Variants in LRP1 observed in about 807,000 individuals in gnomAD.
The protein encoded by LRP1 is prolow-density lipoprotein receptor-related protein 1.
A neutral mutation model predicts 541.5 loss-of-function variants in LRP1; 51 were observed. That is an observed-to-expected ratio of 0.09 (90% confidence interval 0.08 to 0.12). The LOEUF (loss-of-function observed/expected upper bound fraction) is 0.12. Ranked by LOEUF, LRP1 falls within the 10% of genes least tolerant of loss-of-function variation. The probability of loss-of-function intolerance (pLI) is 1.00; values close to 1 mark genes in which losing one functional copy is unlikely to be tolerated. For synonymous variants in LRP1, 2,219 were observed against 2,470.8 expected, an observed-to-expected ratio of 0.90 and a Z score of 3.02; for missense variants, 3,878 against 6,376.2, an observed-to-expected ratio of 0.61 and a Z score of 13.34.
At chr12:57,170,833 T>A (rs563070708) in intron 20 of LRP1, among the ~76,000 whole-genome samples, 1 of 151,714 alleles carries the variant, frequency 6.6e-6, no homozygotes, top group East Asian at 1.9e-4. Flanking sequence ...AAAAAAAGTT[T>A]AAAAAAAACT....
At chr12:57,182,839 CAAAAG>C (rs1333852984) in intron 34 of LRP1, among the ~76,000 whole-genome samples, 1 of 151,996 alleles carries the variant, frequency 6.6e-6, no homozygotes, top group Non-Finnish European at 1.5e-5. Context: ...CAAAGAAAAA[CAAAAG>C]AAAAGAAAAG....
In LRP1 at chr12:57,209,861, G is replaced by A. The variant is rs2036868162; in HGVS notation, c.12432G>A (p.Gln4144=). ...SDVVLYHQHK[Q]PEVTNPCDRK... is the part of the protein sequence containing the mutation. ...TGGTCCTTTACCATCAGCACAAGCAGCCCGAAGGTGGGGGCAGAGGGGAGC... is the reference window on the plus strand; with the variant it reads ...TGGTCCTTTACCATCAGCACAAGCAACCCGAAGGTGGGGGCAGAGGGGAGC... Residue 4144 remains glutamine (Q), a synonymous_variant, in exon 80 of 89, where the codon CAG becomes CAA. Coordinates refer to ENST00000243077, the MANE Select transcript of LRP1 (RefSeq NM_002332.3). 6.2e-7 allele frequency: 1 copy of A among 1,613,546 alleles called. No homozygotes were observed. The highest frequency in any genetic ancestry group is 1.7e-5 in the Admixed American group (1 of 59,996).
chr12:57,200,139 C>G, intron 62 of LRP1, 114 bp downstream of exon 62: 1 of 878,514 alleles, frequency 1.1e-6, no homozygotes, highest in Non-Finnish European at 1.7e-6. Context: ...TTTTCCCACA[C>G]TAACACCCCC....
In LRP1 at chr12:57,200,737, A is replaced by G; in HGVS notation, c.10147A>G (p.Thr3383Ala). 6.2e-7 allele frequency: 1 copy of G among 1,614,022 alleles called. No individual in the cohort carries two copies. The highest frequency in any genetic ancestry group is 1.1e-5 in the South Asian group (1 of 91,084). Reference sequence around the variant, plus strand: ...CCGGCCCGGACAGTTCCAGTGCTCCACAGGTATCTGCACAAACCCTGCCTT... The same window carrying G: ...CCGGCCCGGACAGTTCCAGTGCTCCGCAGGTATCTGCACAAACCCTGCCTT... Reference protein sequence around the residue: ...KCRPGQFQCSTGICTNPAFIC... With the variant: ...KCRPGQFQCSAGICTNPAFIC... The change falls in exon 64 of 89, where the codon ACA becomes GCA. Residue 3383 changes from threonine to alanine, a missense_variant. Thr to Ala is a moderately conservative substitution (Grantham distance 58). Around this residue, in one of 13 missense-constraint regions of LRP1, gnomAD observed 278 missense variants for 536.3 expected, o/e 0.52. Transcript: ENST00000243077.
rs2136746737 is a variant in LRP1, at chr12:57,204,400, C to G, written c.10952-10C>G. ...GGCTCATTCTATCTCTTGGCTCCCCCTGGCACCAGTGCGGACCTGCCCCCT... is the reference window on the plus strand; with the variant it reads ...GGCTCATTCTATCTCTTGGCTCCCCGTGGCACCAGTGCGGACCTGCCCCCT... On this transcript the variant is annotated splice_polypyrimidine_tract_variant and intron_variant, in intron 70 of 88. Coordinates refer to ENST00000243077, the MANE Select transcript of LRP1 (RefSeq NM_002332.3). The surrounding 1 kb of genome is among the most constrained non-coding windows in gnomAD (Gnocchi z 5.3). 6.6e-7 allele frequency: 1 copy of G among 1,518,728 alleles called. No homozygotes were observed. The highest frequency in any genetic ancestry group is 8.8e-7 in the Non-Finnish European group (1 of 1,132,080). 94.1% of individuals were successfully genotyped at this position (1,518,728 alleles called of 1,614,324 possible).
intron 44 of LRP1, among the ~76,000 whole-genome samples, chr12:57,192,644 C>T (rs1203744898): frequency 1.3e-5 from 2 of 152,240 alleles, no homozygotes; most frequent in Non-Finnish European, 2.9e-5. Flanking sequence ...CTCAACGGCA[C>T]ACCTGCCGAA....
chr12:57,179,869 A>G lies in LRP1; in HGVS notation c.5054A>G (p.Asn1685Ser), dbSNP rs145728795. 12 of 1,614,052 alleles carry G rather than the reference A, an allele frequency of 7.4e-6. No individual in the cohort carries two copies. The African/African-American group carries it at 1.2e-4, about 16-fold the overall frequency. Reference sequence around the variant, plus strand: ...TATGACACCAATAAGAAGCAGATCAATGTGGCCCGGCTGGATGGCTCCTTC... The same window carrying G: ...TATGACACCAATAAGAAGCAGATCAGTGTGGCCCGGCTGGATGGCTCCTTC... ...TSYDTNKKQINVARLDGSFKN... is the reference protein window; with the variant it reads ...TSYDTNKKQISVARLDGSFKN... The change falls in exon 30 of 89, where the codon AAT (asparagine) becomes AGT (serine). Residue 1685 changes from asparagine to serine, a missense_variant. Asn to Ser is a conservative substitution (Grantham distance 46). Coordinates refer to ENST00000243077, the MANE Select transcript of LRP1 (RefSeq NM_002332.3). The surrounding 1 kb of genome is among the most constrained non-coding windows in gnomAD (Gnocchi z 6.8).
Position 57,205,397 on chromosome 12 carries a change from C to A in LRP1, c.11382C>A (p.Asp3794Glu). 6.2e-7 allele frequency: 1 copy of A among 1,608,620 alleles called. No individual in the cohort carries two copies. Among genetic ancestry groups the A allele is most frequent in the Non-Finnish European group, 8.5e-7 (1 of 1,179,462 alleles). Residue 3794 changes from aspartate (D) to glutamate (E), a missense_variant, in exon 74 of 89, where the codon GAC (aspartate) becomes GAA (glutamate). Coordinates refer to ENST00000243077, the MANE Select transcript of LRP1 (RefSeq NM_002332.3). This position sits in a 1 kb window ranked among gnomAD's most constrained non-coding sequence, Gnocchi z 4.6. ...CCACCAATGCCAGCATCTGTGGGGA[C>A]GAGGCACGCTGCGTGCGCACCGAGA... ...SCATNASICG[D>E]EARCVRTEKA...
At chr12:57,188,272 G>C (rs990527806) in intron 42 of LRP1, among the ~76,000 whole-genome samples, 2 of 152,208 alleles carry the variant, frequency 1.3e-5, no homozygotes, top group African/African-American at 4.8e-5. Flanking sequence ...CCTCGCCTTA[G>C]GGATCCAGGC....
Position 57,177,338 on chromosome 12 carries a change from G to T in LRP1, c.4197-89G>T. 1 of 1,561,628 alleles carries T rather than the reference G, an allele frequency of 6.4e-7. No individual in the cohort carries two copies. Among genetic ancestry groups the T allele is most frequent in the Non-Finnish European group, 8.7e-7 (1 of 1,143,740 alleles). Reference sequence around the variant, plus strand: ...GACACCTTACTCCTCAGTGCCATCTGCCTCCTCCCACCCTCTACCTACGAT... The same window carrying T: ...GACACCTTACTCCTCAGTGCCATCTTCCTCCTCCCACCCTCTACCTACGAT... On this transcript the variant is annotated intron_variant, in intron 25 of 88. Coordinates refer to ENST00000243077, the MANE Select transcript of LRP1 (RefSeq NM_002332.3). The surrounding 1 kb of genome is among the most constrained non-coding windows in gnomAD (Gnocchi z 6.8).
At position 57,160,936 on chromosome 12, in the gene LRP1, C is replaced by T. The variant is rs1345855428; in HGVS notation, c.2023C>T (p.Arg675Trp). The part of the protein sequence containing the change: ...TDWEEDPKDS[R>W]RGRLERAWMD... ...CTGGGAGGAGGACCCCAAGGACAGT[C>T]GGCGTGGGCGGCTGGAGAGGGCGTG... The change falls in exon 13 of 89, where the codon CGG (arginine) becomes TGG (tryptophan). Residue 675 changes from arginine (R) to tryptophan (W), a missense_variant. By Grantham distance (101) the Arg-to-Trp change is moderately radical (BLOSUM62 -3). Around this residue, in one of 13 missense-constraint regions of LRP1, gnomAD observed 496 missense variants for 861.0 expected, o/e 0.58. Transcript: ENST00000243077. 5 of 1,613,944 alleles carry T rather than the reference C, an allele frequency of 3.1e-6. No individual in the cohort carries two copies. The highest frequency in any genetic ancestry group is 1.7e-5 in the Admixed American group (1 of 60,028).
rs372464430 is a variant in LRP1 at position 57,187,400 on chromosome 12, C to T, written c.6975C>T (p.Val2325=). Residue 2325 remains valine (V), a synonymous_variant, in exon 42 of 89, where the codon GTC becomes GTT. Transcript: ENST00000243077. ...CAGGGGCCTTCGAGCGTGAGACCGTCATCACTATGTCTGGAGATGACCACC... is the reference window on the plus strand; with the variant it reads ...CAGGGGCCTTCGAGCGTGAGACCGTTATCACTATGTCTGGAGATGACCACC... The part of the protein sequence containing the change: ...TRPGAFERET[V]ITMSGDDHPR... 1.3e-4 allele frequency: 216 copies of T among 1,614,088 alleles called. No homozygotes were observed. The highest frequency in any genetic ancestry group is 2.3e-4 in the South Asian group (21 of 91,088).
intron 78 of LRP1, 75 bp from the exon 79 acceptor site, chr12:57,209,008 G>C: frequency 7.9e-7 from 1 of 1,270,670 alleles, no homozygotes; most frequent in Non-Finnish European, 1.1e-6. Context: ...GCTGTCCCGG[G>C]CATGGAGGCA....
Position 57,185,538 on chromosome 12 carries a change from C to T in LRP1, c.6471C>T (p.Asn2157=), listed in dbSNP as rs2228188. The T allele has an allele frequency of 3.2e-3, 5,081 of 1,589,102 alleles. 160 individuals are homozygous for T. The African/African-American group carries it at 0.062, about 19-fold the overall frequency. ...VFNRDRQKGT[N]VCAVANGGCQ... ...TACCCTCCCCTCCCCCAGGCACCAACGTGTGCGCGGTGGCCAATGGCGGGT... is the reference window on the plus strand; with the variant it reads ...TACCCTCCCCTCCCCCAGGCACCAATGTGTGCGCGGTGGCCAATGGCGGGT... The change falls in exon 41 of 89, where the codon AAC becomes AAT. Residue 2157 remains asparagine (N), a synonymous_variant. Coordinates refer to ENST00000243077, the MANE Select transcript of LRP1 (RefSeq NM_002332.3). The surrounding 1 kb of genome is among the most constrained non-coding windows in gnomAD (Gnocchi z 4.9).
rs377503628 is a variant in LRP1 at position 57,151,527 on chromosome 12, G to A, written c.842-2681G>A. Among the ~76,000 whole-genome samples the A allele has an allele frequency of 1.3e-4, 20 of 152,354 alleles. 1 individual carries two copies. In the East Asian group the frequency reaches 1.7e-3, roughly 13 times the overall value. On this transcript the variant is annotated intron_variant, in intron 6 of 88. Transcript: ENST00000243077. Reference sequence around the variant, plus strand: ...TGGCCAGAGCCTCTTCAGAAGGTGCGCTCAGGTGGTTGGCCCTTAGAAGGC... The same window carrying A: ...TGGCCAGAGCCTCTTCAGAAGGTGCACTCAGGTGGTTGGCCCTTAGAAGGC...
At chr12:57,181,816 T>C (rs1297656779) in intron 34 of LRP1, among the ~76,000 whole-genome samples, 2 of 152,166 alleles carry the variant, frequency 1.3e-5, no homozygotes, top group Non-Finnish European at 2.9e-5. Flanking sequence ...GGGCCTGGGC[T>C]GGGCTCAGTA....
rs200235307 is a variant in LRP1 at position 57,160,940 on chromosome 12, G to A, written c.2027G>A (p.Arg676His). ...DWEEDPKDSR[R>H]GRLERAWMDG... ...GAGGAGGACCCCAAGGACAGTCGGCGTGGGCGGCTGGAGAGGGCGTGGATG... is the reference window on the plus strand; with the variant it reads ...GAGGAGGACCCCAAGGACAGTCGGCATGGGCGGCTGGAGAGGGCGTGGATG... Residue 676 changes from arginine to histidine, a missense_variant, in exon 13 of 89, where the codon CGT becomes CAT. Arg to His is a conservative substitution (Grantham distance 29). Coordinates refer to ENST00000243077, the MANE Select transcript of LRP1 (RefSeq NM_002332.3). The A allele has an allele frequency of 5.6e-6, 9 of 1,613,852 alleles. No homozygotes were observed. The highest frequency in any genetic ancestry group is 1.3e-5 in the African/African-American group (1 of 74,892).
Position 57,154,360 on chromosome 12 carries a change from C to G in LRP1, c.994C>G (p.Pro332Ala). 1 of 1,610,924 alleles carries G rather than the reference C, an allele frequency of 6.2e-7. No individual in the cohort carries two copies. The highest frequency in any genetic ancestry group is 1.1e-5 in the South Asian group (1 of 91,032). The change falls in exon 7 of 89, where the codon CCT becomes GCT. Residue 332 changes from proline (P) to alanine (A), a missense_variant. Physicochemically the swap from Pro to Ala is conservative, Grantham distance 27. Transcript: ENST00000243077. The surrounding 1 kb of genome is among the most constrained non-coding windows in gnomAD (Gnocchi z 4.6). ...LYNPKGIALDPAMGKVFFTDY... is the reference protein window; with the variant it reads ...LYNPKGIALDAAMGKVFFTDY... ...CAACCCCAAGGGCATTGCCCTGGAC[C>G]CTGCCATGGGGTGAGAGTGGCAGGC...
rs752013798 is a variant in LRP1 at position 57,154,186 on chromosome 12, C to T, written c.842-22C>T. 1.0e-5 allele frequency: 16 copies of T among 1,601,006 alleles called. No individual in the cohort carries two copies. In the Admixed American group the frequency reaches 1.8e-4, roughly 18 times the overall value. ...CAAGAGGGCCTACCCCACCCCATGGCTCTTTCATTCGTACTCTCCAGACGT... is the reference window on the plus strand; with the variant it reads ...CAAGAGGGCCTACCCCACCCCATGGTTCTTTCATTCGTACTCTCCAGACGT... On this transcript the variant is annotated intron_variant, in intron 6 of 88. Transcript: ENST00000243077. The surrounding 1 kb of genome is among the most constrained non-coding windows in gnomAD (Gnocchi z 4.6).
Sources: allele counts gnomAD v4.1 joint callset (sites outside exome capture counted in the v4.1 genomes callset), GRCh38; gene constraint gnomAD v4.1.1; regional missense constraint gnomAD v4.1.1; non-coding constraint Gnocchi (gnomAD v3.1); transcripts MANE v1.5; gene names NCBI Gene and HGNC (gene_info 2026-07-23, HGNC 2026-07-21).